The following GLI3 variants were observed in gnomAD, a reference collection of about 807,000 sequenced individuals.
The protein encoded by GLI3 is transcription activator GLI3.
GLI3 carries 20 observed loss-of-function variants against 100.8 expected under a neutral mutation model. The ratio of observed to expected loss-of-function variants is 0.20; its 90% CI spans 0.14 to 0.29. The LOEUF is 0.29. Among genes scored for constraint, GLI3 ranks in the 10% least tolerant of loss-of-function variants. GLI3 has a pLI of 1.00. For missense variants in GLI3, 2,040 were observed against 2,128.5 expected, an observed-to-expected ratio of 0.96 and a Z score of 0.82; for synonymous variants, 938 against 860.5, an observed-to-expected ratio of 1.09 and a Z score of -1.58.
At chr7:42,204,332 T>C (rs1310212078) in intron 2 of GLI3, among the ~76,000 whole-genome samples, 6 of 151,930 alleles carry the variant, frequency 3.9e-5, no homozygotes, top group Non-Finnish European at 8.8e-5. Flanking sequence ...TACTGCTCTC[T>C]CAACTTACAA....
chr7:42,116,342 A>G (rs1318942216), intron 3 of GLI3, among the ~76,000 whole-genome samples: 2 of 152,220 alleles, frequency 1.3e-5, no homozygotes, highest in African/African-American at 4.8e-5. Context: ...CCCAGGAAAC[A>G]GAGGGGAGAA....
intron 10 of GLI3, among the ~76,000 whole-genome samples, chr7:41,999,597 C>T (rs1162612302): frequency 6.6e-6 from 1 of 152,150 alleles, no homozygotes; most frequent in Non-Finnish European, 1.5e-5. Flanking sequence ...CTGAAGCTCT[C>T]TGTGGTGAAG....
chr7:42,083,138 A>C (rs1785031453), intron 3 of GLI3, among the ~76,000 whole-genome samples: 1 of 152,188 alleles, frequency 6.6e-6, no homozygotes, highest in Non-Finnish European at 1.5e-5. Context: ...ATTGGGTCTC[A>C]TTCAATCTTT....
At position 41,967,699 on chromosome 7, in the gene GLI3, C is replaced by T. The variant is rs938063110; in HGVS notation, c.2328G>A (p.Glu776=). 3.7e-6 allele frequency: 6 copies of T among 1,614,052 alleles called. No individual in the cohort carries two copies. The Admixed American group carries it at 6.7e-5, about 18-fold the overall frequency. Residue 776 remains glutamate (E), a synonymous_variant, in exon 14 of 15, where the codon GAG becomes GAA. Coordinates refer to ENST00000395925, the MANE Select transcript of GLI3 (RefSeq NM_000168.6). The part of the protein sequence containing the change: ...RRNPAGTKWM[E]HVKLERLKQV... ...GTTTTAGCCTTTCTAGTTTTACGTGCTCCATCCATTTGGTCCCTGCCGGGT... is the reference window on the plus strand; with the variant it reads ...GTTTTAGCCTTTCTAGTTTTACGTGTTCCATCCATTTGGTCCCTGCCGGGT...
chr7:42,064,409 C>A (rs544661864), intron 4 of GLI3, among the ~76,000 whole-genome samples: 9 of 152,162 alleles, frequency 5.9e-5, no homozygotes, highest in Non-Finnish European at 1.2e-4. Flanking sequence ...GGAAAGTGCT[C>A]AAGGATCCGG....
At chr7:42,182,681 T>TACACACATGTGTGTATATATATATAC (rs1554337004) in intron 2 of GLI3, among the ~76,000 whole-genome samples, 1 of 56,770 alleles carries the variant, frequency 1.8e-5, no homozygotes, top group Non-Finnish European at 3.5e-5. Flanking sequence ...TATATATATA[T>TACACACATGTGTGTATATATATATAC]ACACATGTGT....
intron 3 of GLI3, among the ~76,000 whole-genome samples, chr7:42,098,387 T>G (rs1045529596): frequency 6.6e-6 from 1 of 152,050 alleles, no homozygotes; most frequent in African/African-American, 2.4e-5. Flanking sequence ...TCAGGGGCCT[T>G]CCCTCTTGAA....
intron 3 of GLI3, among the ~76,000 whole-genome samples, chr7:42,116,281 G>A (rs1785853402): frequency 6.6e-6 from 1 of 152,114 alleles, no homozygotes; most frequent in African/African-American, 2.4e-5. Flanking sequence ...CAGCACACGA[G>A]CTCATGTGAT....
intron 2 of GLI3, among the ~76,000 whole-genome samples, chr7:42,156,402 T>C (rs1787004530): frequency 6.6e-6 from 1 of 152,216 alleles, no homozygotes; most frequent in African/African-American, 2.4e-5. Context: ...TGCCTTTTGC[T>C]TGGTAGCACA....
At chr7:42,233,263 A>C (rs1162579165) in intron 1 of GLI3, among the ~76,000 whole-genome samples, 2 of 152,222 alleles carry the variant, frequency 1.3e-5, no homozygotes, top group African/African-American at 4.8e-5. Context: ...AGCTCCTAAA[A>C]ACTTAAGAAA....
intron 3 of GLI3, among the ~76,000 whole-genome samples, chr7:42,115,903 C>T (rs774793752): frequency 1.2e-4 from 18 of 152,148 alleles, no homozygotes; most frequent in East Asian, 5.8e-4. Context: ...ATACTACCCA[C>T]GGCTATATTA....
intron 14 of GLI3, among the ~76,000 whole-genome samples, chr7:41,967,231 G>A (rs1787209762): frequency 6.6e-6 from 1 of 152,150 alleles, no homozygotes; most frequent in Non-Finnish European, 1.5e-5. Flanking sequence ...TCCTTGAACT[G>A]GGTAAATATA....
In GLI3 at chr7:41,964,781, G is replaced by C. The variant is rs144128064; in HGVS notation, c.4292C>G (p.Pro1431Arg). 61 of 1,613,536 alleles carry C rather than the reference G, an allele frequency of 3.8e-5. No individual in the cohort carries two copies. Among genetic ancestry groups the C allele is most frequent in the Non-Finnish European group, 4.8e-5 (57 of 1,179,622 alleles). Residue 1431 changes from proline (P) to arginine (R), a missense_variant, in exon 15 of 15, where the codon CCG (proline) becomes CGG (arginine). Pro to Arg is a moderately radical substitution (Grantham distance 103). Around this residue, in one of 5 missense-constraint regions of GLI3, gnomAD observed 1,041 missense variants for 924.0 expected, o/e 1.13. Coordinates refer to ENST00000395925, the MANE Select transcript of GLI3 (RefSeq NM_000168.6). ...IKMEMKGQPH[P>R]LCSNLQNYSG... ...GTAATTCTGCAGATTAGAGCACAGC[G>C]GATGGGGCTGCCCTTTCATCTCCAT...
intron 10 of GLI3, among the ~76,000 whole-genome samples, chr7:41,982,690 CT>C (rs1787706125): frequency 8.2e-6 from 1 of 122,360 alleles, no homozygotes; most frequent in East Asian, 2.6e-4. Context: ...AGAGCAAGAA[CT>C]TGTCTCAAAA....
At chr7:42,242,715 T>C (rs1788937582), upstream of GLI3, among the ~76,000 whole-genome samples, 1 of 152,232 alleles carries the variant, frequency 6.6e-6, no homozygotes. Flanking sequence ...GAAGATGGTT[T>C]ACAGCATCTT....
intron 5 of GLI3, among the ~76,000 whole-genome samples, chr7:42,047,585 G>C (rs1047833772): frequency 1.3e-5 from 2 of 152,196 alleles, no homozygotes; most frequent in Non-Finnish European, 2.9e-5. Context: ...TCCTATGTGT[G>C]CGTGATATGG....
chr7:42,223,623 C>G (rs1417442556), intron 1 of GLI3, among the ~76,000 whole-genome samples: 1 of 152,174 alleles, frequency 6.6e-6, no homozygotes, highest in Admixed American at 6.5e-5. Context: ...TGTCACATTA[C>G]TTTTTAAAGC....
intron 2 of GLI3, among the ~76,000 whole-genome samples, chr7:42,204,623 A>C (rs575763432): frequency 1.3e-3 from 203 of 152,376 alleles, no homozygotes; most frequent in African/African-American, 4.3e-3. Context: ...GAAGCACATC[A>C]GTAAAAATAA....
chr7:42,034,682 C>T (rs1789388712), intron 7 of GLI3, among the ~76,000 whole-genome samples: 1 of 152,086 alleles, frequency 6.6e-6, no homozygotes, highest in Admixed American at 6.5e-5. Flanking sequence ...GGTATCTTGT[C>T]ATCATCCTAT....
Sources: allele counts gnomAD v4.1 joint callset (sites outside exome capture counted in the v4.1 genomes callset), GRCh38; gene constraint gnomAD v4.1.1; regional missense constraint gnomAD v4.1.1; transcripts MANE v1.5; gene names NCBI Gene and HGNC (gene_info 2026-07-23, HGNC 2026-07-21).